MTFR1: variants seen among roughly 807,000 people sequenced by gnomAD.
MTFR1 encodes the protein mitochondrial fission regulator 1.
MTFR1 carries 28 observed loss-of-function variants against 38.8 expected under a neutral mutation model. That is an observed-to-expected ratio of 0.72 (90% confidence interval 0.53 to 0.99). The LOEUF (loss-of-function observed/expected upper bound fraction) is 0.99, where lower values mean the gene tolerates loss of function less well. MTFR1 is among the 50% of genes least tolerant of loss of function. The pLI, the probability that MTFR1 is intolerant of heterozygous loss-of-function variation, is 0.00. For missense variants in MTFR1, 358 were observed against 395.5 expected (o/e 0.91, Z 0.81); for synonymous variants, 145 against 137.0 (o/e 1.06, Z -0.41).
At chr8:65,644,327 C>T (rs1030085182), upstream of MTFR1, among the ~76,000 whole-genome samples, 1 of 152,212 alleles carries the variant, frequency 6.6e-6, no homozygotes, top group African/African-American at 2.4e-5. Context: ...GGCATTAGAT[C>T]TGCCGGGTGG....
At chr8:65,707,684 G>A (rs913092391) in intron 6 of MTFR1, among the ~76,000 whole-genome samples, 159 bp from the exon 7 acceptor site, 14 of 152,196 alleles carry the variant, frequency 9.2e-5, no homozygotes, top group Admixed American at 9.2e-4. Flanking sequence ...TTGAGCATTA[G>A]CTCTAGGCTT....
intron 2 of MTFR1, among the ~76,000 whole-genome samples, chr8:65,680,331 T>C (rs1267840467): frequency 1.3e-5 from 2 of 152,002 alleles, no homozygotes; most frequent in African/African-American, 4.8e-5. Flanking sequence ...CCTGGCTAAG[T>C]TTCCAATTTT....
At chr8:65,742,408 A>T (rs1444585263) in intron 3 of MTFR1, among the ~76,000 whole-genome samples, 1 of 152,198 alleles carries the variant, frequency 6.6e-6, no homozygotes, top group Non-Finnish European at 1.5e-5. Context: ...CTCCAAATGC[A>T]TCCTACCAGA....
chr8:65,696,984 C>CTTTTT (rs572196375), intron 4 of MTFR1, among the ~76,000 whole-genome samples: 1 of 111,210 alleles, frequency 9.0e-6, no homozygotes, highest in Non-Finnish European at 1.8e-5. Context: ...TTGGGACTGG[C>CTTTTT]TTTTTTTTTT....
intron 3 of MTFR1, among the ~76,000 whole-genome samples, chr8:65,770,310 C>T (rs74918501): frequency 6.6e-6 from 1 of 152,164 alleles, no homozygotes; most frequent in African/African-American, 2.4e-5. Flanking sequence ...TTGATGGACT[C>T]ACAGTTCCAT....
At chr8:65,750,659 C>G (rs759513617) in intron 3 of MTFR1, among the ~76,000 whole-genome samples, 10 of 152,154 alleles carry the variant, frequency 6.6e-5, no homozygotes, top group Non-Finnish European at 1.0e-4. Flanking sequence ...AGGATACATA[C>G]TGTCAATGGT....
chr8:65,755,200 T>C (rs1808168148), intron 3 of MTFR1, among the ~76,000 whole-genome samples: 1 of 151,730 alleles, frequency 6.6e-6, no homozygotes, highest in Non-Finnish European at 1.5e-5. Context: ...TTTATATCTT[T>C]AGTAGAGATG....
chr8:65,727,387 T>C, intron 3 of MTFR1: 1 of 1,545,092 alleles, frequency 6.5e-7, no homozygotes, highest in Admixed American at 1.9e-5. Context: ...TAGCAGCCAA[T>C]GGTAGTGGTG....
chr8:65,736,838 G>C (rs551332338), intron 3 of MTFR1, among the ~76,000 whole-genome samples: 5 of 140,860 alleles, frequency 3.5e-5, no homozygotes, highest in African/African-American at 1.1e-4. Flanking sequence ...TCTGAAGTCT[G>C]AGTTAATATT....
chr8:65,763,040 T>C (rs1808592103), intron 3 of MTFR1, among the ~76,000 whole-genome samples: 1 of 146,952 alleles, frequency 6.8e-6, no homozygotes, highest in Non-Finnish European at 1.5e-5. Flanking sequence ...TGTGTGTGTA[T>C]AAAATGAATA....
rs1316342775 is a variant in MTFR1 at position 65,762,403 on chromosome 8, T to C, written c.*49-8544T>C. Among the ~76,000 whole-genome samples, 5 of 152,270 alleles carry C rather than the reference T, an allele frequency of 3.3e-5. No individual in the cohort carries two copies. The East Asian group carries it at 9.7e-4, about 29-fold the overall frequency. ...AGGTGTCTGCAGCAATGGTCATTAG[T>C]AGAGCAGCACGTGCTGACATGGAGA... On this transcript the variant is annotated intron_variant, in intron 3 of 3. Coordinates refer to the MTFR1 transcript ENST00000521247.
At chr8:65,722,789 T>C (rs1166597460) in intron 3 of MTFR1, 1 of 152,192 alleles carries the variant, frequency 6.6e-6, no homozygotes, top group Non-Finnish European at 1.5e-5. Flanking sequence ...GCTCCAGGAA[T>C]CCACAACCAA....
intron 4 of MTFR1, among the ~76,000 whole-genome samples, chr8:65,695,358 TG>T (rs1805407359): frequency 6.6e-6 from 1 of 151,866 alleles, no homozygotes; most frequent in Non-Finnish European, 1.5e-5. Flanking sequence ...TTTTTTTTTT[TG>T]TTTTGTTTTT....
At chr8:65,732,034 T>C (rs1806913902) in intron 3 of MTFR1, among the ~76,000 whole-genome samples, 1 of 152,128 alleles carries the variant, frequency 6.6e-6, no homozygotes, top group South Asian at 2.1e-4. Flanking sequence ...AGTTTCACTC[T>C]GTCGCCCAGG....
chr8:65,711,002 G>T (rs1264951362), downstream of MTFR1, among the ~76,000 whole-genome samples: 51 of 152,244 alleles, frequency 3.3e-4, 1 homozygote, highest in South Asian at 2.1e-3. Context: ...GAGAGAGAGA[G>T]AGAGAGAGAG....
intron 3 of MTFR1, among the ~76,000 whole-genome samples, chr8:65,745,063 T>G (rs1807610931): frequency 6.6e-6 from 1 of 152,212 alleles, no homozygotes; most frequent in African/African-American, 2.4e-5. Flanking sequence ...CTTGTGGTAG[T>G]GGATAAGTCT....
At position 65,734,851 on chromosome 8, in the gene MTFR1, G is replaced by A. The variant is rs781469443; in HGVS notation, c.*48+15370G>A. On this transcript the variant is annotated intron_variant, in intron 3 of 3. Coordinates refer to the MTFR1 transcript ENST00000521247. ...GAGTAACATCCGCAGCGTGGACTGC[G>A]TTATGGTAAGGATTTTGACTGTGGT... is the stretch of plus-strand genomic sequence containing the variant. 1.4e-5 allele frequency: 22 copies of A among 1,612,354 alleles called. 2 individuals are homozygous for A. Among genetic ancestry groups the A allele is most frequent in the South Asian group, 7.7e-5 (7 of 91,026 alleles).
chr8:65,729,726 C>CT (rs34749293), intron 3 of MTFR1, among the ~76,000 whole-genome samples: 9,600 of 140,622 alleles, frequency 0.068, 379 homozygotes, highest in African/African-American at 0.1. Context: ...CCATGCCTGA[C>CT]TTTTTTTTTT....
chr8:65,680,044 CT>C (rs1322699238), intron 2 of MTFR1, among the ~76,000 whole-genome samples: 2 of 151,780 alleles, frequency 1.3e-5, no homozygotes, highest in Non-Finnish European at 2.9e-5. Flanking sequence ...TTTTGGAACT[CT>C]TCTAGGTAAG....
Sources: allele counts gnomAD v4.1 joint callset (sites outside exome capture counted in the v4.1 genomes callset), GRCh38; gene constraint gnomAD v4.1.1; transcripts MANE v1.5; gene names NCBI Gene and HGNC (gene_info 2026-07-23, HGNC 2026-07-21).